Variants in SLC24A2 observed in about 807,000 individuals in gnomAD.
SLC24A2 encodes solute carrier family 24 member 2, also known as sodium/potassium/calcium exchanger 2.
A neutral mutation model predicts 62.0 loss-of-function variants in SLC24A2; 36 were observed. The observed-to-expected ratio is 0.58, with a 90% CI of 0.44 to 0.77. The LOEUF is 0.77. Among genes scored for constraint, SLC24A2 ranks in the 30% least tolerant of loss-of-function variants. The pLI, the probability that SLC24A2 is intolerant of heterozygous loss-of-function variation, is 0.00. For missense variants in SLC24A2, 846 were observed against 817.9 expected (o/e 1.03, Z -0.42); for synonymous variants, 358 against 294.0 (o/e 1.22, Z -2.23).
the SLC24A2 span, among the ~76,000 whole-genome samples, chr9:19,990,665 T>C: frequency 1.5e-5 from 2 of 130,632 alleles, no homozygotes; most frequent in Non-Finnish European, 3.3e-5. Flanking sequence ...AAAAAGAAAA[T>C]ATCAAATGAA....
chr9:20,198,145 T>C, the SLC24A2 span, among the ~76,000 whole-genome samples: 1 of 152,170 alleles, frequency 6.6e-6, no homozygotes, highest in African/African-American at 2.4e-5. Flanking sequence ...GTGAGAGAGC[T>C]TGGAGCACAC....
intron 2 of SLC24A2, among the ~76,000 whole-genome samples, chr9:19,783,620 GA>G (rs370716546): frequency 4.3e-4 from 66 of 152,200 alleles, no homozygotes; most frequent in African/African-American, 1.3e-3. Flanking sequence ...GCCTGGGGGG[GA>G]AAACCTCCCT....
At chr9:19,813,364 C>G in the SLC24A2 span, among the ~76,000 whole-genome samples, 1 of 142,588 alleles carries the variant, frequency 7.0e-6, no homozygotes, top group Non-Finnish European at 1.5e-5. Flanking sequence ...ACTCTGTCAC[C>G]TAGGCTGGAA....
chr9:19,843,713 G>T, the SLC24A2 span, among the ~76,000 whole-genome samples: 1 of 151,904 alleles, frequency 6.6e-6, no homozygotes, highest in South Asian at 2.1e-4. Context: ...AGTATTTATT[G>T]TTGCCATCTT....
In SLC24A2 at chr9:19,508,393, G is replaced by A. The variant is rs574332365; in HGVS notation, c.*7760C>T. On this transcript the variant is annotated 3_prime_UTR_variant, in exon 11 of 11. Coordinates refer to ENST00000341998, the MANE Select transcript of SLC24A2 (RefSeq NM_020344.4). ...GCCACTTAAGCATAAAATTGATGGG[G>A]TTGTCCAGTTTAGTACCCATGTTTA... The A allele has an allele frequency of 1.3e-5, 2 of 152,244 alleles. No individual in the cohort carries two copies. Among genetic ancestry groups the A allele is most frequent in the Admixed American group, 1.3e-4 (2 of 15,286 alleles). 9.4% of individuals were successfully genotyped at this position (152,244 alleles called of 1,614,324 possible).
At chr9:19,640,684 T>TCTTACCTTGCA (rs1361401199) in intron 2 of SLC24A2, among the ~76,000 whole-genome samples, 1 of 152,210 alleles carries the variant, frequency 6.6e-6, no homozygotes, top group Non-Finnish European at 1.5e-5. Context: ...TAAAGACAGC[T>TCTTACCTTGCA]CTTACCTTGC....
chr9:20,064,291 G>A, the SLC24A2 span, among the ~76,000 whole-genome samples: 1 of 152,172 alleles, frequency 6.6e-6, no homozygotes, highest in Non-Finnish European at 1.5e-5. Context: ...ACAGAGAGTA[G>A]ATCAATGGTT....
At chr9:20,099,212 G>A in the SLC24A2 span, among the ~76,000 whole-genome samples, 2 of 152,188 alleles carry the variant, frequency 1.3e-5, no homozygotes, top group Non-Finnish European at 2.9e-5. Flanking sequence ...GGTTGACAAT[G>A]ATATTTCTTG....
Position 19,733,992 on chromosome 9 carries a change from TATG to T in SLC24A2, c.930+51942_930+51944del, listed in dbSNP as rs1161608029. 2.0e-5 allele frequency among the ~76,000 whole-genome samples: 3 copies of T among 152,112 alleles called. No individual in the cohort carries two copies. The East Asian group carries it at 5.8e-4, about 29-fold the overall frequency. Reference sequence around the variant, plus strand: ...AGGGGTGGGGTGAGGTTACTTTAATTATGATGATAGAGGCAAGTCTCTCTGAGG... The same window carrying T: ...AGGGGTGGGGTGAGGTTACTTTAATTATGATAGAGGCAAGTCTCTCTGAGG... On this transcript the variant is annotated intron_variant, in intron 2 of 10. Coordinates refer to ENST00000341998, the MANE Select transcript of SLC24A2 (RefSeq NM_020344.4).
At chr9:19,798,623 CACA>C in the SLC24A2 span, among the ~76,000 whole-genome samples, 1 of 151,650 alleles carries the variant, frequency 6.6e-6, no homozygotes, top group African/African-American at 2.4e-5. Context: ...CACACACACA[CACA>C]CCCCTGGAAA....
At chr9:20,188,145 T>C in the SLC24A2 span, among the ~76,000 whole-genome samples, 12 of 152,332 alleles carry the variant, frequency 7.9e-5, 1 homozygote, top group South Asian at 2.1e-3. Context: ...GGAGGCCTTG[T>C]AGAATTTCTG....
At chr9:19,785,702 CA>C (rs1043228066) in intron 2 of SLC24A2, among the ~76,000 whole-genome samples, 1 of 152,174 alleles carries the variant, frequency 6.6e-6, no homozygotes, top group African/African-American at 2.4e-5. Context: ...CCTATATTTA[CA>C]AGTGTTTTAC....
In SLC24A2 at chr9:19,509,612, G is replaced by A. The variant is rs1333161598; in HGVS notation, c.*6541C>T. ...CTTCAGTTTTATTCTGATAAGAATT[G>A]GGGATTTGTTTAATTAAATGGCAAG... is the stretch of plus-strand genomic sequence containing the variant. On this transcript the variant is annotated 3_prime_UTR_variant, in exon 11 of 11. Coordinates refer to ENST00000341998, the MANE Select transcript of SLC24A2 (RefSeq NM_020344.4). The A allele has an allele frequency of 6.6e-6, 1 of 152,074 alleles. No individual in the cohort carries two copies. The highest frequency in any genetic ancestry group is 6.6e-5 in the Admixed American group (1 of 15,262). 9.4% of individuals were successfully genotyped at this position (152,074 alleles called of 1,614,324 possible).
intron 5 of SLC24A2, among the ~76,000 whole-genome samples, chr9:19,586,584 C>T (rs557818487): frequency 6.6e-6 from 1 of 151,862 alleles, no homozygotes; most frequent in Non-Finnish European, 1.5e-5. Flanking sequence ...TATTTTAATA[C>T]CCCCTCCCTT....
the SLC24A2 span, among the ~76,000 whole-genome samples, chr9:19,961,528 C>A: frequency 6.6e-6 from 1 of 152,144 alleles, no homozygotes; most frequent in Non-Finnish European, 1.5e-5. Flanking sequence ...AGCTAAAGAA[C>A]TCTATGGCAT....
At chr9:19,545,636 G>T (rs911263159) in intron 8 of SLC24A2, among the ~76,000 whole-genome samples, 1 of 149,956 alleles carries the variant, frequency 6.7e-6, no homozygotes, top group African/African-American at 2.5e-5. Flanking sequence ...CTATTTTTTA[G>T]TTTTTTTTTC....
At chr9:19,739,985 C>T (rs1028229044) in intron 2 of SLC24A2, among the ~76,000 whole-genome samples, 4 of 151,966 alleles carry the variant, frequency 2.6e-5, no homozygotes, top group African/African-American at 9.7e-5. Context: ...TTCAAAGAGC[C>T]AATTAAGCAT....
At chr9:20,262,792 TC>T in the SLC24A2 span, among the ~76,000 whole-genome samples, 1 of 152,210 alleles carries the variant, frequency 6.6e-6, no homozygotes, top group African/African-American at 2.4e-5. Context: ...CTCTTCCCAC[TC>T]TCTGCCCCTC....
chr9:19,764,291 G>GT (rs1822444291), intron 2 of SLC24A2, among the ~76,000 whole-genome samples: 1 of 152,040 alleles, frequency 6.6e-6, no homozygotes, highest in East Asian at 1.9e-4. Context: ...TTTTTTGAAG[G>GT]TTTTTTTCTG....
Sources: allele counts gnomAD v4.1 joint callset (sites outside exome capture counted in the v4.1 genomes callset), GRCh38; gene constraint gnomAD v4.1.1; transcripts MANE v1.5; gene names NCBI Gene and HGNC (gene_info 2026-07-23, HGNC 2026-07-21).